Variants in ZNF785 observed in about 807,000 individuals in gnomAD.
ZNF785 encodes the protein zinc finger protein 785.
ZNF785 carries 15 observed loss-of-function variants against 11.3 expected under a neutral mutation model. The ratio of observed to expected loss-of-function variants is 1.32; its 90% CI spans 0.89 to 2.04. The LOEUF (loss-of-function observed/expected upper bound fraction) is 2.04. ZNF785 is among the 30% of genes most tolerant of loss of function. The pLI is 0.00. For synonymous variants in ZNF785, 221 were observed against 231.0 expected, an observed-to-expected ratio of 0.96 and a Z score of 0.39; for missense variants, 572 against 560.9, an observed-to-expected ratio of 1.02 and a Z score of -0.20.
At chr16:30,585,000 T>G in intron 2 of ZNF785, 122 bp downstream of exon 2, 1 of 1,339,576 alleles carries the variant, frequency 7.5e-7, no homozygotes, top group Non-Finnish European at 1.0e-6. Flanking sequence ...ATGAGGACGT[T>G]TCTGGGGTAG....
rs1312203319 is a variant in ZNF785, at chr16:30,580,746, C to T, written c.*1814G>A. On this transcript the variant is annotated 3_prime_UTR_variant, in exon 3 of 3. Coordinates refer to ENST00000395216, the MANE Select transcript of ZNF785 (RefSeq NM_152458.7). ...TGAACTCTTGACCTTAAGTGATCCA[C>T]CCTCCTCAGCCTCCCAAACTGCTAG... The T allele has an allele frequency of 6.6e-6, 1 of 150,672 alleles. No homozygotes were observed. Among genetic ancestry groups the T allele is most frequent in the Non-Finnish European group, 1.5e-5 (1 of 67,806 alleles). 9.3% of individuals were successfully genotyped at this position (150,672 alleles called of 1,614,324 possible).
chr16:30,580,186 C>CTTTT (rs35143221), downstream of ZNF785, among the ~76,000 whole-genome samples: 12 of 92,542 alleles, frequency 1.3e-4, no homozygotes, highest in South Asian at 1.3e-3. Flanking sequence ...CACACCAGGC[C>CTTTT]TTTTTTTTTT....
rs2051845894 is a variant in ZNF785 at position 30,583,264 on chromosome 16, G to A, written c.514C>T (p.His172Tyr). 6.2e-7 allele frequency: 1 copy of A among 1,613,672 alleles called. No homozygotes were observed. The highest frequency in any genetic ancestry group is 1.3e-5 in the African/African-American group (1 of 74,930). Reference sequence around the variant, plus strand: ...TTGCGGCCACAGTCTGGGCAAGAGTGGGGCAGTCTTCGGGTCAGAGTGTCC... The same window carrying A: ...TTGCGGCCACAGTCTGGGCAAGAGTAGGGCAGTCTTCGGGTCAGAGTGTCC... The part of the protein sequence containing the change: ...LKDTLTRRLP[H>Y]SCPDCGRNFS... The change falls in exon 3 of 3, where the codon CAC (histidine) becomes TAC (tyrosine). Residue 172 changes from histidine (H) to tyrosine (Y), a missense_variant. Transcript: ENST00000395216.
chr16:30,582,522 C>T lies in ZNF785; in HGVS notation c.*38G>A, dbSNP rs746910013. ...CCAAATACACAAACCTTGCCTCTTC[C>T]TCTCCAGGGAAACGCTGACCAGTTT... On this transcript the variant is annotated 3_prime_UTR_variant, in exon 3 of 3. Coordinates refer to ENST00000395216, the MANE Select transcript of ZNF785 (RefSeq NM_152458.7). The T allele has an allele frequency of 6.2e-7, 1 of 1,606,864 alleles. No individual in the cohort carries two copies. The highest frequency in any genetic ancestry group is 2.2e-5 in the East Asian group (1 of 44,754).
chr16:30,580,204 TTGA>T, downstream of ZNF785, among the ~76,000 whole-genome samples: 1 of 147,356 alleles, frequency 6.8e-6, no homozygotes, highest in Non-Finnish European at 1.5e-5. Flanking sequence ...TTTTTTTTTT[TTGA>T]GATAGAGTCT....
chr16:30,582,370 G>C lies in ZNF785; in HGVS notation c.*190C>G, dbSNP rs1325770592. On this transcript the variant is annotated 3_prime_UTR_variant, in exon 3 of 3. Coordinates refer to ENST00000395216, the MANE Select transcript of ZNF785 (RefSeq NM_152458.7). ...CCTGTGTGCTGGAGCTTCAGAAAATGGGGTCAACCCCCAGGCACCTTTTCA... is the reference window on the plus strand; with the variant it reads ...CCTGTGTGCTGGAGCTTCAGAAAATCGGGTCAACCCCCAGGCACCTTTTCA... 6.7e-6 allele frequency: 5 copies of C among 750,114 alleles called. No individual in the cohort carries two copies. Among genetic ancestry groups the C allele is most frequent in the Admixed American group, 5.9e-5 (2 of 33,700 alleles). The allele number at this position is 750,114 out of a possible 1,614,324, so 46.5% of individuals were successfully genotyped here. A position where few individuals can be genotyped will look rare whatever the true frequency, so the allele number is the denominator to read the frequency against.
Position 30,585,571 on chromosome 16 carries a change from C to G in ZNF785, c.41G>C (p.Gly14Ala), listed in dbSNP as rs766027916. The G allele has an allele frequency of 6.5e-7, 1 of 1,544,312 alleles. No individual in the cohort carries two copies. Among genetic ancestry groups the G allele is most frequent in the Admixed American group, 2.0e-5 (1 of 49,282 alleles). The change falls in exon 1 of 3, where the codon GGG (glycine) becomes GCG (alanine). Residue 14 changes from glycine to alanine, a missense_variant. Gly to Ala is a moderately conservative substitution (Grantham distance 60). Transcript: ENST00000395216. This position sits in a 1 kb window ranked among gnomAD's most constrained non-coding sequence, Gnocchi z 4.0. ...CCTCGTCCTCCGGGGCCCGGCCTCCCCGGGTACGTGGGCCGGGCGCGGCGC... is the reference window on the plus strand; with the variant it reads ...CCTCGTCCTCCGGGGCCCGGCCTCCGCGGGTACGTGGGCCGGGCGCGGCGC... ...PLAPRPAHVP[G>A]EAGPRRTRES... is the part of the protein sequence containing the mutation.
chr16:30,585,674 C>T lies in ZNF785; in HGVS notation c.-63G>A. On this transcript the variant is annotated 5_prime_UTR_variant, in exon 1 of 3. Coordinates refer to ENST00000395216, the MANE Select transcript of ZNF785 (RefSeq NM_152458.7). The surrounding 1 kb of genome is among the most constrained non-coding windows in gnomAD (Gnocchi z 4.0). ...GGAAGGTGGAGATGCTGGCGCTTTC[C>T]TGTCTTTCCTCAGACAAGTCCGTAA... is the stretch of plus-strand genomic sequence containing the variant. 1 of 1,444,372 alleles carries T rather than the reference C, an allele frequency of 6.9e-7. No homozygotes were observed. Among genetic ancestry groups the T allele is most frequent in the East Asian group, 2.5e-5 (1 of 39,772 alleles). The allele number at this position is 1,444,372 out of a possible 1,614,324, so 89.5% of individuals were successfully genotyped here.
At chr16:30,579,818 G>A (rs2051783989), downstream of ZNF785, 1 of 455,726 alleles carries the variant, frequency 2.2e-6, no homozygotes, top group African/African-American at 2.0e-5. Flanking sequence ...TCCTTCAAAA[G>A]TTTCCTCTTC....
chr16:30,584,973 G>T, intron 2 of ZNF785, 149 bp downstream of exon 2: 1 of 1,085,012 alleles, frequency 9.2e-7, no homozygotes, highest in Non-Finnish European at 1.3e-6. Flanking sequence ...TGTTCCATCG[G>T]GCCATTTTGC....
downstream of ZNF785, chr16:30,579,995 C>G: frequency 2.7e-6 from 1 of 372,328 alleles, no homozygotes; most frequent in African/African-American, 2.1e-5. Context: ...TCATGCCATT[C>G]TCCTGCCTCA....
In ZNF785 at chr16:30,583,341, G is replaced by A. The variant is rs1173595424; in HGVS notation, c.437C>T (p.Ala146Val). The A allele has an allele frequency of 3.1e-6, 5 of 1,613,664 alleles. No individual in the cohort carries two copies. The highest frequency in any genetic ancestry group is 1.7e-5 in the Admixed American group (1 of 59,962). ...VAVKEWWPSV[A>V]CPEFCNPRQS... ...CCTAGGGTTGCAGAACTCTGGGCAG[G>A]CGACGCTGGGCCACCACTCCTTGAC... Residue 146 changes from alanine (A) to valine (V), a missense_variant, in exon 3 of 3, where the codon GCC becomes GTC. By Grantham distance (64) the Ala-to-Val change is moderately conservative. Transcript: ENST00000395216.
At position 30,583,379 on chromosome 16, in the gene ZNF785, C is replaced by A; in HGVS notation, c.399G>T (p.Ala133=). 1 of 1,607,060 alleles carries A rather than the reference C, an allele frequency of 6.2e-7. No homozygotes were observed. Among genetic ancestry groups the A allele is most frequent in the Non-Finnish European group, 8.5e-7 (1 of 1,176,250 alleles). The change falls in exon 3 of 3, where the codon GCG becomes GCT. Residue 133 remains alanine, a synonymous_variant. Coordinates refer to ENST00000395216, the MANE Select transcript of ZNF785 (RefSeq NM_152458.7). ...ACCACTCCTTGACAGCCACTTCATGCGCCACCTCTTTTTGTTTTGGACACT... is the reference window on the plus strand; with the variant it reads ...ACCACTCCTTGACAGCCACTTCATGAGCCACCTCTTTTTGTTTTGGACACT... The part of the protein sequence containing the change: ...LKKCPKQKEV[A]HEVAVKEWWP...
downstream of ZNF785, among the ~76,000 whole-genome samples, chr16:30,580,486 C>G (rs1237876048): frequency 6.6e-6 from 1 of 151,878 alleles, no homozygotes; most frequent in Non-Finnish European, 1.5e-5. Context: ...TCCCAAGTAG[C>G]TGGGACTACA....
rs1423740932 is a variant in ZNF785, at chr16:30,582,042, G to A, written c.*518C>T. ...AGAGGTTGCAGTGAGCCGAGATCAC[G>A]CCACTGCACTCCAGCCTGGGCGACA... is the stretch of plus-strand genomic sequence containing the variant. On this transcript the variant is annotated 3_prime_UTR_variant, in exon 3 of 3. Coordinates refer to ENST00000395216, the MANE Select transcript of ZNF785 (RefSeq NM_152458.7). 2.6e-5 allele frequency: 4 copies of A among 154,406 alleles called. No homozygotes were observed. The highest frequency in any genetic ancestry group is 4.8e-5 in the African/African-American group (2 of 41,414). 9.6% of individuals were successfully genotyped at this position (154,406 alleles called of 1,614,324 possible). A position where few individuals can be genotyped will look rare whatever the true frequency, so the allele number is the denominator to read the frequency against.
chr16:30,582,527 C>T lies in ZNF785; in HGVS notation c.*33G>A, dbSNP rs1047659535. 1.9e-6 allele frequency: 3 copies of T among 1,608,396 alleles called. No individual in the cohort carries two copies. The highest frequency in any genetic ancestry group is 2.6e-6 in the Non-Finnish European group (3 of 1,176,338). ...TACACAAACCTTGCCTCTTCCTCTCCAGGGAAACGCTGACCAGTTTGTGTG... is the reference window on the plus strand; with the variant it reads ...TACACAAACCTTGCCTCTTCCTCTCTAGGGAAACGCTGACCAGTTTGTGTG... On this transcript the variant is annotated 3_prime_UTR_variant, in exon 3 of 3. Coordinates refer to ENST00000395216, the MANE Select transcript of ZNF785 (RefSeq NM_152458.7).
rs758149557 is a variant in ZNF785, at chr16:30,585,087, G to C, written c.334+35C>G. Reference sequence around the variant, plus strand: ...GTGAGTGAGTTGGGGGCGGGGGTTGGGGCTTCTCCACGGCTACTTATCCAA... The same window carrying C: ...GTGAGTGAGTTGGGGGCGGGGGTTGCGGCTTCTCCACGGCTACTTATCCAA... On this transcript the variant is annotated intron_variant, in intron 2 of 2. Coordinates refer to ENST00000395216, the MANE Select transcript of ZNF785 (RefSeq NM_152458.7). The surrounding 1 kb of genome is among the most constrained non-coding windows in gnomAD (Gnocchi z 4.0). 1.9e-6 allele frequency: 3 copies of C among 1,587,074 alleles called. No individual in the cohort carries two copies. In the South Asian group the frequency reaches 3.4e-5, roughly 18 times the overall value.
rs1189962121 is a variant in ZNF785 at position 30,581,331 on chromosome 16, G to A, written c.*1229C>T. ...AAATATTAGTTGGGCGTGGTGGCGG[G>A]TGCTTGTAATTCCAGCTACTCGGGA... On this transcript the variant is annotated 3_prime_UTR_variant, in exon 3 of 3. Transcript: ENST00000395216. The A allele has an allele frequency of 6.6e-6, 1 of 151,904 alleles. No homozygotes were observed. Among genetic ancestry groups the A allele is most frequent in the Non-Finnish European group, 1.5e-5 (1 of 68,010 alleles). 9.4% of individuals were successfully genotyped at this position (151,904 alleles called of 1,614,324 possible).
Position 30,582,746 on chromosome 16 carries a change from CT to C in ZNF785, c.1031del (p.Glu344GlyfsTer86). The stretch of plus-strand genomic sequence containing the variant: ...TCTTGCGCTTGAAGCCTTTCCCACA[CT>C]CCACGCAGGGGAAGGGCCGGCTGTC... The part of the protein sequence containing the change: ...HSDSRPFPCV[E>X]CGKGFKRKTA... On this transcript the variant is annotated frameshift_variant, in exon 3 of 3. Coordinates refer to ENST00000395216, the MANE Select transcript of ZNF785 (RefSeq NM_152458.7). LOFTEE classifies it low-confidence loss of function (END_TRUNC). 6.2e-7 allele frequency: 1 copy of C among 1,609,446 alleles called. No homozygotes were observed. Among genetic ancestry groups the C allele is most frequent in the Non-Finnish European group, 8.5e-7 (1 of 1,176,714 alleles).
Sources: gnomAD v4.1 joint callset for allele counts (sites outside exome capture counted in the v4.1 genomes callset) on GRCh38, gnomAD v4.1.1 for gene constraint, Gnocchi (gnomAD v3.1) non-coding constraint, MANE v1.5 for transcripts, NCBI Gene and HGNC (gene_info 2026-07-23, HGNC 2026-07-21) for gene names.